NKAIN3: variants seen among roughly 807,000 people sequenced by gnomAD.
NKAIN3 encodes sodium/potassium-transporting ATPase subunit beta-1-interacting protein 3.
Under a neutral mutation model 30.2 loss-of-function variants are expected in NKAIN3, and 25 were observed. The observed-to-expected ratio is 0.83, with a 90% CI of 0.60 to 1.16. NKAIN3 has a LOEUF of 1.16. Ranked by LOEUF, NKAIN3 falls within the 50% of genes most tolerant of loss-of-function variation. NKAIN3 has a pLI of 0.00. For synonymous variants in NKAIN3, 91 were observed against 89.6 expected (o/e 1.02, Z -0.09); for missense variants, 225 against 254.1 (o/e 0.89, Z 0.78).
At chr8:62,770,710 C>A (rs1234686033) in intron 4 of NKAIN3, among the ~76,000 whole-genome samples, 4 of 151,612 alleles carry the variant, frequency 2.6e-5, no homozygotes, top group Non-Finnish European at 5.9e-5. Flanking sequence ...CATTGACTGA[C>A]CACTAAGTTA....
intron 3 of NKAIN3, among the ~76,000 whole-genome samples, chr8:62,717,625 T>C (rs1392489945): frequency 6.6e-6 from 1 of 152,204 alleles, no homozygotes. Flanking sequence ...TATATGCACA[T>C]ATTGAGATTC....
chr8:62,623,701 G>T (rs1234288520), intron 3 of NKAIN3, among the ~76,000 whole-genome samples: 1 of 152,038 alleles, frequency 6.6e-6, no homozygotes, highest in Non-Finnish European at 1.5e-5. Context: ...GTTTGTATAA[G>T]AAACGTTTTA....
intron 4 of NKAIN3, among the ~76,000 whole-genome samples, chr8:62,747,629 A>G (rs1353936391): frequency 6.6e-6 from 1 of 152,208 alleles, no homozygotes. Flanking sequence ...TTCCATATAC[A>G]GAAACGAGAA....
chr8:62,428,268 T>C (rs1804877826), intron 1 of NKAIN3, among the ~76,000 whole-genome samples: 1 of 152,006 alleles, frequency 6.6e-6, no homozygotes, highest in African/African-American at 2.4e-5. Flanking sequence ...GTTGATTCCA[T>C]ATCTTGACTA....
intron 4 of NKAIN3, among the ~76,000 whole-genome samples, chr8:62,780,813 G>A (rs920253774): frequency 1.3e-5 from 2 of 151,950 alleles, no homozygotes; most frequent in Non-Finnish European, 2.9e-5. Flanking sequence ...GGTCATATAC[G>A]ACAAACCCAT....
At position 62,651,260 on chromosome 8, in the gene NKAIN3, A is replaced by G. The variant is rs184400376; in HGVS notation, c.273+61466A>G. Among the ~76,000 whole-genome samples the G allele has an allele frequency of 4.8e-3, 734 of 152,276 alleles. 7 individuals are homozygous for G. Among genetic ancestry groups the G allele is most frequent in the African/African-American group, 0.017 (702 of 41,576 alleles). ...AGTTTAATTTTTATTCATATTTTATATTCATATTTGCATGATAAAAAGGTG... is the reference window on the plus strand; with the variant it reads ...AGTTTAATTTTTATTCATATTTTATGTTCATATTTGCATGATAAAAAGGTG... On this transcript the variant is annotated intron_variant, in intron 3 of 6. Coordinates refer to ENST00000623646, the MANE Select transcript of NKAIN3 (RefSeq NM_001304533.3).
intron 4 of NKAIN3, among the ~76,000 whole-genome samples, chr8:62,823,096 G>A (rs917542919): frequency 2.6e-5 from 4 of 152,068 alleles, no homozygotes; most frequent in African/African-American, 4.8e-5. Context: ...TGAGTCAGTG[G>A]GTGAGTGGTG....
intron 4 of NKAIN3, among the ~76,000 whole-genome samples, chr8:62,771,312 T>C (rs888950346): frequency 4.6e-4 from 69 of 150,260 alleles, no homozygotes; most frequent in African/African-American, 1.6e-3. Flanking sequence ...ATCCCAACAA[T>C]GACTCAACAA....
At chr8:62,558,193 G>C (rs180715124) in intron 1 of NKAIN3, among the ~76,000 whole-genome samples, 1 of 152,114 alleles carries the variant, frequency 6.6e-6, no homozygotes, top group Non-Finnish European at 1.5e-5. Flanking sequence ...GCTGTTGTTT[G>C]CTTTGTCAAA....
At chr8:62,458,469 A>T (rs1336083022) in intron 1 of NKAIN3, among the ~76,000 whole-genome samples, 1 of 152,186 alleles carries the variant, frequency 6.6e-6, no homozygotes, top group African/African-American at 2.4e-5. Context: ...CAACCCTATG[A>T]CAACAGTGAA....
At chr8:62,711,069 C>A (rs372280623) in intron 3 of NKAIN3, among the ~76,000 whole-genome samples, 2 of 152,124 alleles carry the variant, frequency 1.3e-5, no homozygotes, top group Admixed American at 1.3e-4. Context: ...AGGCCCCCAA[C>A]CTCTTCTAGC....
intron 1 of NKAIN3, among the ~76,000 whole-genome samples, chr8:62,411,715 T>C (rs1358324235): frequency 6.6e-6 from 1 of 152,182 alleles, no homozygotes; most frequent in African/African-American, 2.4e-5. Context: ...GGATTCAGGT[T>C]ACAAGACAGT....
chr8:62,850,299 GTTGT>G (rs1384232146), intron 4 of NKAIN3, among the ~76,000 whole-genome samples: 7 of 152,028 alleles, frequency 4.6e-5, no homozygotes, highest in Non-Finnish European at 7.4e-5. Flanking sequence ...TTTTGATGGG[GTTGT>G]TTGTTTTTTT....
At chr8:62,901,741 C>T (rs1189825981) in intron 4 of NKAIN3, among the ~76,000 whole-genome samples, 1 of 152,224 alleles carries the variant, frequency 6.6e-6, no homozygotes, top group Non-Finnish European at 1.5e-5. Flanking sequence ...CCCCTCTCAA[C>T]TTCCACAGAC....
intron 4 of NKAIN3, among the ~76,000 whole-genome samples, chr8:62,910,324 T>C (rs1425905933): frequency 6.6e-6 from 1 of 152,154 alleles, no homozygotes; most frequent in African/African-American, 2.4e-5. Context: ...TACTCTCTTT[T>C]GCCTTCATAA....
At chr8:62,636,341 G>C (rs899479124) in intron 3 of NKAIN3, among the ~76,000 whole-genome samples, 1 of 152,126 alleles carries the variant, frequency 6.6e-6, no homozygotes, top group African/African-American at 2.4e-5. Flanking sequence ...AAGGTAGCCT[G>C]TGAAGACTTA....
chr8:62,690,043 TTAC>T (rs952099876), intron 3 of NKAIN3, among the ~76,000 whole-genome samples: 10 of 152,170 alleles, frequency 6.6e-5, no homozygotes, highest in Non-Finnish European at 2.9e-5. Context: ...CTCCTTCACC[TTAC>T]TGAGTGTCTT....
At chr8:62,252,616 T>A (rs1392906142) in intron 1 of NKAIN3, among the ~76,000 whole-genome samples, 1 of 152,054 alleles carries the variant, frequency 6.6e-6, no homozygotes, top group Non-Finnish European at 1.5e-5. Context: ...CTGATTTTCC[T>A]AGATGAAATT....
chr8:62,389,658 G>T (rs1457448915), intron 1 of NKAIN3, among the ~76,000 whole-genome samples: 1 of 152,166 alleles, frequency 6.6e-6, no homozygotes, highest in African/African-American at 2.4e-5. Flanking sequence ...GCCTATCTGG[G>T]TATAGGAGTA....
Sources: allele counts gnomAD v4.1 joint callset (sites outside exome capture counted in the v4.1 genomes callset), GRCh38; gene constraint gnomAD v4.1.1; transcripts MANE v1.5; gene names NCBI Gene and HGNC (gene_info 2026-07-23, HGNC 2026-07-21).